The following PIK3C3 variants were observed in gnomAD, a reference collection of about 807,000 sequenced individuals.
The protein encoded by PIK3C3 is phosphatidylinositol 3-kinase catalytic subunit type 3, also known as PI3-kinase type 3.
PIK3C3 carries 95 observed loss-of-function variants against 126.1 expected under a neutral mutation model. The observed-to-expected ratio is 0.75, with a 90% CI of 0.64 to 0.89. PIK3C3 has a LOEUF of 0.89. PIK3C3 is among the 40% of genes least tolerant of loss of function. The probability of loss-of-function intolerance (pLI) is 0.00; values close to 1 mark genes in which losing one functional copy is unlikely to be tolerated. For missense variants in PIK3C3, 829 were observed against 1,063.2 expected (o/e 0.78, Z 3.06); for synonymous variants, 374 against 360.0 (o/e 1.04, Z -0.44).
intron 24 of PIK3C3, among the ~76,000 whole-genome samples, chr18:42,076,589 A>G (rs934759881): frequency 6.6e-6 from 1 of 152,172 alleles, no homozygotes; most frequent in African/African-American, 2.4e-5. Context: ...TACCCATTAA[A>G]ACACATGATA....
chr18:42,032,450 C>T (rs1251001744), intron 15 of PIK3C3, among the ~76,000 whole-genome samples: 1 of 151,958 alleles, frequency 6.6e-6, no homozygotes, highest in African/African-American at 2.4e-5. Context: ...ACTCTGGTTA[C>T]TTTTGATAAG....
chr18:42,052,740 G>T (rs1274599997), intron 21 of PIK3C3: 1 of 152,062 alleles, frequency 6.6e-6, no homozygotes, highest in Non-Finnish European at 1.5e-5. Context: ...TTTGAATGTG[G>T]TTCAGTGCAG....
intron 24 of PIK3C3, among the ~76,000 whole-genome samples, chr18:42,075,668 T>G (rs1163602959): frequency 6.6e-6 from 1 of 150,456 alleles, no homozygotes; most frequent in African/African-American, 2.4e-5. Context: ...TCTAGTCCTA[T>G]ATTTATAAGT....
chr18:42,004,594 A>G (rs1207911592), intron 10 of PIK3C3, 53 bp downstream of exon 10: 1 of 1,367,144 alleles, frequency 7.3e-7, no homozygotes, highest in Non-Finnish European at 1.0e-6. Context: ...ACTAGAGCCT[A>G]ATTATAAACT....
chr18:41,957,483 G>A, intron 1 of PIK3C3, 87 bp from the exon 2 acceptor site: 1 of 1,304,400 alleles, frequency 7.7e-7, no homozygotes, highest in Non-Finnish European at 1.1e-6. Flanking sequence ...CATGCTTAAA[G>A]CATATATGTA....
intron 4 of PIK3C3, among the ~76,000 whole-genome samples, chr18:41,976,210 A>G (rs1980913085): frequency 6.6e-6 from 1 of 152,138 alleles, no homozygotes; most frequent in South Asian, 2.1e-4. Context: ...TTTACCCTTG[A>G]AAGAAAGTAT....
At chr18:41,970,655 C>G (rs1980621287) in intron 4 of PIK3C3, 199 bp downstream of exon 4, 3 of 624,936 alleles carry the variant, frequency 4.8e-6, no homozygotes, top group Admixed American at 5.5e-5. Context: ...AGTAAATTTA[C>G]AGACTTGTAT....
chr18:41,983,481 C>T (rs1419259907), intron 4 of PIK3C3, among the ~76,000 whole-genome samples: 1 of 151,940 alleles, frequency 6.6e-6, no homozygotes, highest in African/African-American at 2.4e-5. Flanking sequence ...TGTCTGTCAC[C>T]CTTTCACATA....
intron 4 of PIK3C3, among the ~76,000 whole-genome samples, chr18:41,987,540 G>A (rs1022607349): frequency 6.6e-6 from 1 of 151,884 alleles, no homozygotes; most frequent in Non-Finnish European, 1.5e-5. Flanking sequence ...AAGAAATATA[G>A]GAACACGGAG....
At chr18:42,039,936 A>G (rs1984229983) in intron 18 of PIK3C3, among the ~76,000 whole-genome samples, 1 of 152,172 alleles carries the variant, frequency 6.6e-6, no homozygotes. Context: ...AATAAATGAG[A>G]TATTTCTTAT....
At position 42,084,114 on chromosome 18, in the gene PIK3C3, TAGATC is replaced by T. The variant is rs1387587462; in HGVS notation, c.*2979_*2983del. 2 of 152,196 alleles carry T rather than the reference TAGATC, an allele frequency of 1.3e-5. No homozygotes were observed. Among genetic ancestry groups the T allele is most frequent in the African/African-American group, 4.8e-5 (2 of 41,452 alleles). The allele number at this position is 152,196 out of a possible 1,614,324, so 9.4% of individuals were successfully genotyped here. On this transcript the variant is annotated 3_prime_UTR_variant, in exon 25 of 25. Transcript: ENST00000262039. ...TTCATACTTTCCTTGGGTTGGAAAA[TAGATC>T]ATTCAGTAAAAACATACAGGAAAAA...
intron 24 of PIK3C3, among the ~76,000 whole-genome samples, chr18:42,078,766 C>T (rs1387496326): frequency 6.6e-6 from 1 of 152,220 alleles, no homozygotes; most frequent in East Asian, 1.9e-4. Context: ...TCAGCACTGG[C>T]TGCTTTACCT....
At chr18:42,020,372 A>C (rs1016162667) in intron 12 of PIK3C3, among the ~76,000 whole-genome samples, 1 of 152,050 alleles carries the variant, frequency 6.6e-6, no homozygotes, top group Admixed American at 6.6e-5. Context: ...TATTTCTATG[A>C]CCATTTCTTT....
At position 42,004,600 on chromosome 18, in the gene PIK3C3, A is replaced by G. The variant is rs1025188197; in HGVS notation, c.1170+59A>G. ...TCATTTTAAACTAGAGCCTAATTATAAACTATGTGTGTATGTGTGTGTGAG... is the reference window on the plus strand; with the variant it reads ...TCATTTTAAACTAGAGCCTAATTATGAACTATGTGTGTATGTGTGTGTGAG... On this transcript the variant is annotated intron_variant, in intron 10 of 24. Transcript: ENST00000262039. 4.5e-6 allele frequency: 6 copies of G among 1,327,298 alleles called. No homozygotes were observed. The African/African-American group carries it at 8.8e-5, about 20-fold the overall frequency. 82.2% of individuals were successfully genotyped at this position (1,327,298 alleles called of 1,614,324 possible).
intron 12 of PIK3C3, 70 bp from the exon 13 acceptor site, chr18:42,020,568 G>A (rs746656155): frequency 4.0e-6 from 4 of 993,880 alleles, no homozygotes; most frequent in Non-Finnish European, 6.2e-6. Context: ...ATAGGCAAAT[G>A]TAAACTTACT....
At chr18:42,067,950 G>A (rs141920796) in intron 24 of PIK3C3, among the ~76,000 whole-genome samples, 6 of 152,334 alleles carry the variant, frequency 3.9e-5, no homozygotes, top group Admixed American at 6.5e-5. Flanking sequence ...CCACAGATAA[G>A]TGAGGGATTA....
chr18:42,055,141 C>A (rs1012553764), intron 21 of PIK3C3, among the ~76,000 whole-genome samples: 1 of 151,900 alleles, frequency 6.6e-6, no homozygotes, highest in Non-Finnish European at 1.5e-5. Flanking sequence ...TCATGAATGG[C>A]CTGGTACTGT....
At position 42,055,059 on chromosome 18, in the gene PIK3C3, A is replaced by T. The variant is rs1598937719; in HGVS notation, c.2264-2824A>T. Among the ~76,000 whole-genome samples, 3 of 151,986 alleles carry T rather than the reference A, an allele frequency of 2.0e-5. No individual in the cohort carries two copies. The East Asian group carries it at 5.8e-4, about 29-fold the overall frequency. On this transcript the variant is annotated intron_variant, in intron 21 of 24. Coordinates refer to ENST00000262039, the MANE Select transcript of PIK3C3 (RefSeq NM_002647.4). ...TGGGTATTTGACTCCTCCAAATCTC[A>T]TGTTGAAACTTCATCCCCATTGATG... is the stretch of plus-strand genomic sequence containing the variant.
intron 6 of PIK3C3, 97 bp downstream of exon 6, chr18:41,990,651 C>A: frequency 3.0e-6 from 2 of 668,170 alleles, no homozygotes; most frequent in Admixed American, 2.7e-5. Context: ...TATTTGGTTG[C>A]AGGGTAGCAG....
Sources: gnomAD v4.1 joint callset for allele counts (sites outside exome capture counted in the v4.1 genomes callset) on GRCh38, gnomAD v4.1.1 for gene constraint, MANE v1.5 for transcripts, NCBI Gene and HGNC (gene_info 2026-07-23, HGNC 2026-07-21) for gene names.